Variants in SEPTIN9 observed in about 807,000 individuals in gnomAD.
SEPTIN9 encodes the protein septin 9.
Under a neutral mutation model 56.6 loss-of-function variants are expected in SEPTIN9, and 13 were observed. The observed-to-expected ratio is 0.23, with a 90% CI of 0.15 to 0.37. The LOEUF is 0.37. SEPTIN9 is among the 10% of genes least tolerant of loss of function. The pLI, the probability that SEPTIN9 is intolerant of heterozygous loss-of-function variation, is 1.00. For missense variants in SEPTIN9, 650 were observed against 823.1 expected, an observed-to-expected ratio of 0.79 and a Z score of 2.57; for synonymous variants, 332 against 334.1, an observed-to-expected ratio of 0.99 and a Z score of 0.07.
In SEPTIN9 at chr17:77,319,604, G is replaced by A. The variant is rs765972765; in HGVS notation, c.76+12407G>A. On this transcript the variant is annotated intron_variant, in intron 2 of 11. Transcript: ENST00000427177. This position sits in a 1 kb window ranked among gnomAD's most constrained non-coding sequence, Gnocchi z 5.3. The stretch of plus-strand genomic sequence containing the variant: ...GTGCTCCGGAACCTTTTCTCAGCAC[G>A]CTGGCCTGGGGCACGGCCGTTCCTC... 394 of 1,060,882 alleles carry A rather than the reference G, an allele frequency of 3.7e-4. 3 individuals are homozygous for A. Among genetic ancestry groups the A allele is most frequent in the Admixed American group, 2.2e-4 (4 of 18,558 alleles). 65.7% of individuals were successfully genotyped at this position (1,060,882 alleles called of 1,614,324 possible). A position where few individuals can be genotyped will look rare whatever the true frequency, so the allele number is the denominator to read the frequency against.
At chr17:77,343,344 T>A (rs1008904528) in intron 2 of SEPTIN9, among the ~76,000 whole-genome samples, 1 of 152,060 alleles carries the variant, frequency 6.6e-6, no homozygotes, top group Non-Finnish European at 1.5e-5. Flanking sequence ...AAGGATGAGG[T>A]TTGTAGAGTT....
At chr17:77,384,569 C>T (rs1012513331) in intron 2 of SEPTIN9, among the ~76,000 whole-genome samples, 2 of 152,028 alleles carry the variant, frequency 1.3e-5, no homozygotes, top group Non-Finnish European at 2.9e-5. Context: ...CAGAGGTTCA[C>T]ACCTGCAGCG....
In SEPTIN9 at chr17:77,494,835, G is replaced by A. The variant is rs927858028; in HGVS notation, c.1573+1759G>A. 5.3e-5 allele frequency among the ~76,000 whole-genome samples: 8 copies of A among 152,274 alleles called. No individual in the cohort carries two copies. In the East Asian group the frequency reaches 5.8e-4, roughly 11 times the overall value. ...TGGAGGAGGGTGTGGAGAGGCACAC[G>A]GGCCTTTCCCCTGTCTGCACTCCTC... On this transcript the variant is annotated intron_variant, in intron 10 of 11. Transcript: ENST00000427177.
At chr17:77,397,690 C>A (rs540464641) in intron 2 of SEPTIN9, among the ~76,000 whole-genome samples, 6 of 152,250 alleles carry the variant, frequency 3.9e-5, no homozygotes, top group African/African-American at 1.4e-4. Context: ...TGCTTTGTCG[C>A]CCAGGCTGGA....
intron 1 of SEPTIN9, among the ~76,000 whole-genome samples, chr17:77,294,303 C>T: frequency 6.6e-6 from 1 of 151,978 alleles, no homozygotes. Flanking sequence ...GCCTGTAATC[C>T]CAGCTACTTG....
intron 3 of SEPTIN9, among the ~76,000 whole-genome samples, chr17:77,447,980 G>A (rs1048699631): frequency 2.6e-5 from 4 of 152,166 alleles, no homozygotes; most frequent in African/African-American, 7.2e-5. Context: ...GTCCCCAGGC[G>A]GGTGACACTG....
At chr17:77,285,095 G>A (rs1482959405) in intron 1 of SEPTIN9, among the ~76,000 whole-genome samples, 1 of 152,204 alleles carries the variant, frequency 6.6e-6, no homozygotes, top group African/African-American at 2.4e-5. Flanking sequence ...TTGCTAGGAC[G>A]TTCCAGAAGC....
In SEPTIN9 at chr17:77,433,002, C is replaced by A. The variant is rs958119248; in HGVS notation, c.721+30299C>A. Among the ~76,000 whole-genome samples the A allele has an allele frequency of 2.0e-5, 3 of 152,170 alleles. No homozygotes were observed. The highest frequency in any genetic ancestry group is 2.9e-5 in the Non-Finnish European group (2 of 68,018). On this transcript the variant is annotated intron_variant, in intron 3 of 11. Coordinates refer to ENST00000427177, the MANE Select transcript of SEPTIN9 (RefSeq NM_001113491.2). This position sits in a 1 kb window ranked among gnomAD's most constrained non-coding sequence, Gnocchi z 6.4. ...CTCTTGGAGTCAGAGAATCCCCTGT[C>A]GCCGTGGCGGGGCTGTTCCCTCCTG...
chr17:77,287,957 CAG>C (rs926342401), intron 1 of SEPTIN9: 1 of 1,051,932 alleles, frequency 9.5e-7, no homozygotes, highest in African/African-American at 1.7e-5. Flanking sequence ...TGGTCATCCT[CAG>C]AGCGGTGTTG....
chr17:77,479,064 A>T (rs2039341009), intron 3 of SEPTIN9, among the ~76,000 whole-genome samples: 1 of 152,206 alleles, frequency 6.6e-6, no homozygotes, highest in South Asian at 2.1e-4. Context: ...AGTTTGTTTT[A>T]CAAGATGAAA....
At chr17:77,354,398 C>T (rs2034156673) in intron 2 of SEPTIN9, among the ~76,000 whole-genome samples, 2 of 152,140 alleles carry the variant, frequency 1.3e-5, no homozygotes, top group South Asian at 4.1e-4. Context: ...GGGTCTGGGT[C>T]CCACTTTGGT....
At chr17:77,388,810 C>CTTTTTTTTTT (rs5822196) in intron 2 of SEPTIN9, among the ~76,000 whole-genome samples, 14 of 78,050 alleles carry the variant, frequency 1.8e-4, no homozygotes, top group African/African-American at 1.8e-4. Context: ...GTGTTAGGCG[C>CTTTTTTTTTT]TTTTTTTTTT....
intron 3 of SEPTIN9, among the ~76,000 whole-genome samples, chr17:77,411,688 G>A (rs73373398): frequency 0.073 from 11,038 of 152,090 alleles, 1,210 homozygotes; most frequent in African/African-American, 0.23. Context: ...TAATGGTTGT[G>A]TCATCAGCTG....
chr17:77,495,577 A>T (rs1000314789), intron 10 of SEPTIN9, among the ~76,000 whole-genome samples: 3 of 152,164 alleles, frequency 2.0e-5, no homozygotes, highest in Non-Finnish European at 4.4e-5. Context: ...CATTTTATGG[A>T]TGAGGAAACT....
At chr17:77,308,700 G>T (rs891443362) in intron 2 of SEPTIN9, among the ~76,000 whole-genome samples, 4 of 152,230 alleles carry the variant, frequency 2.6e-5, no homozygotes, top group African/African-American at 9.6e-5. Flanking sequence ...CCCAAAGCCT[G>T]CTTCTGATCC....
intron 3 of SEPTIN9, among the ~76,000 whole-genome samples, chr17:77,427,502 C>T (rs1185297876): frequency 6.6e-6 from 1 of 152,192 alleles, no homozygotes; most frequent in African/African-American, 2.4e-5. Context: ...CGGGCTCTGG[C>T]AATGGGCTGG....
At position 77,435,942 on chromosome 17, in the gene SEPTIN9, T is replaced by C. The variant is rs987485249; in HGVS notation, c.721+33239T>C. Among the ~76,000 whole-genome samples, 5 of 152,216 alleles carry C rather than the reference T, an allele frequency of 3.3e-5. No homozygotes were observed. The highest frequency in any genetic ancestry group is 1.2e-4 in the African/African-American group (5 of 41,460). On this transcript the variant is annotated intron_variant, in intron 3 of 11. Coordinates refer to ENST00000427177, the MANE Select transcript of SEPTIN9 (RefSeq NM_001113491.2). The surrounding 1 kb of genome is among the most constrained non-coding windows in gnomAD (Gnocchi z 4.5). Reference sequence around the variant, plus strand: ...CCACCTGGAAAAACCTTACACCGTTTAGGGCTTGAGGCAGGGCTAGAGCAT... The same window carrying C: ...CCACCTGGAAAAACCTTACACCGTTCAGGGCTTGAGGCAGGGCTAGAGCAT...
chr17:77,414,937 A>T (rs2144175431), intron 3 of SEPTIN9, among the ~76,000 whole-genome samples: 1 of 152,172 alleles, frequency 6.6e-6, no homozygotes, highest in East Asian at 1.9e-4. Flanking sequence ...TGGCTTCTCC[A>T]CTTGGTGTCA....
chr17:77,347,456 C>G (rs1413457258), intron 2 of SEPTIN9, among the ~76,000 whole-genome samples: 1 of 151,244 alleles, frequency 6.6e-6, no homozygotes, highest in African/African-American at 2.4e-5. Context: ...GGTTTTATAT[C>G]ATGTATTTTG....
Sources: gnomAD v4.1 joint callset for allele counts (sites outside exome capture counted in the v4.1 genomes callset) on GRCh38, gnomAD v4.1.1 for gene constraint, Gnocchi (gnomAD v3.1) non-coding constraint, MANE v1.5 for transcripts, NCBI Gene and HGNC (gene_info 2026-07-23, HGNC 2026-07-21) for gene names.